The following IPO11 variants were observed in gnomAD, a reference collection of about 807,000 sequenced individuals.
IPO11 encodes importin 11, also known as importin-11.
In IPO11, 66 loss-of-function variants were observed where a neutral mutation model predicts 143.2. The ratio of observed to expected loss-of-function variants is 0.46; its 90% CI spans 0.38 to 0.57. The LOEUF is 0.57. Ranked by LOEUF, IPO11 falls within the 20% of genes least tolerant of loss-of-function variation. The pLI is 0.00. For missense variants in IPO11, 1,026 were observed against 1,141.0 expected (o/e 0.90, Z 1.45); for synonymous variants, 385 against 377.8 (o/e 1.02, Z -0.22).
chr5:62,419,897 A>G (rs1743438814), intron 1 of IPO11, among the ~76,000 whole-genome samples: 1 of 152,102 alleles, frequency 6.6e-6, no homozygotes, highest in Non-Finnish European at 1.5e-5. Context: ...ACTATTCAGG[A>G]GGCTGAGGTG....
intron 1 of IPO11, among the ~76,000 whole-genome samples, chr5:62,413,957 A>G (rs1171444994): frequency 6.6e-6 from 1 of 152,198 alleles, no homozygotes; most frequent in African/African-American, 2.4e-5. Context: ...TTTGGTTATG[A>G]TGGGACTGGT....
chr5:62,439,726 A>G (rs1035042057), intron 2 of IPO11, among the ~76,000 whole-genome samples: 5 of 152,014 alleles, frequency 3.3e-5, no homozygotes, highest in Admixed American at 1.3e-4. Flanking sequence ...TTAGAGGGAT[A>G]TAACATTTCT....
chr5:62,483,961 A>T, intron 10 of IPO11, 49 bp from the exon 11 acceptor site: 1 of 1,462,586 alleles, frequency 6.8e-7, no homozygotes, highest in Non-Finnish European at 9.3e-7. Flanking sequence ...AATCCAATGT[A>T]GCTACAATGT....
At chr5:62,617,332 G>C (rs1238353755) in intron 29 of IPO11, among the ~76,000 whole-genome samples, 2 of 152,056 alleles carry the variant, frequency 1.3e-5, no homozygotes, top group African/African-American at 4.8e-5. Flanking sequence ...TGAATCACCT[G>C]GTGTCCACAT....
At chr5:62,450,020 A>G in intron 4 of IPO11, 21 bp downstream of exon 4, 2 of 1,532,082 alleles carry the variant, frequency 1.3e-6, no homozygotes, top group Non-Finnish European at 8.9e-7. Context: ...AATGAATGCT[A>G]ATTTTTCTTT....
intron 29 of IPO11, among the ~76,000 whole-genome samples, chr5:62,616,233 A>G (rs1561388949): frequency 6.6e-6 from 1 of 152,184 alleles, no homozygotes; most frequent in East Asian, 1.9e-4. Context: ...ATCTGTAGGT[A>G]GCTAAATGTT....
chr5:62,456,775 ACCC>A (rs899588883), intron 5 of IPO11, among the ~76,000 whole-genome samples: 3 of 152,028 alleles, frequency 2.0e-5, no homozygotes, highest in African/African-American at 7.2e-5. Flanking sequence ...GAAGAACGCA[ACCC>A]CCCTATTTAG....
chr5:62,549,219 T>C (rs1300990303), intron 24 of IPO11, among the ~76,000 whole-genome samples: 2 of 152,208 alleles, frequency 1.3e-5, no homozygotes, highest in East Asian at 3.8e-4. Flanking sequence ...AGTAGTAGCA[T>C]ACATAGTGCT....
chr5:62,627,416 TC>T lies in IPO11; in HGVS notation c.*99del. The stretch of plus-strand genomic sequence containing the variant: ...AGCCTGCTGAGATGAAGAAATCACT[TC>T]ATGAAAATAAGCAAAGACCACACAT... On this transcript the variant is annotated 3_prime_UTR_variant, in exon 30 of 30. Transcript: ENST00000325324. 3 of 1,147,184 alleles carry T rather than the reference TC, an allele frequency of 2.6e-6. No individual in the cohort carries two copies. In the Admixed American group the frequency reaches 7.1e-5, roughly 27 times the overall value. 71.1% of individuals were successfully genotyped at this position (1,147,184 alleles called of 1,614,324 possible). A position where few individuals can be genotyped will look rare whatever the true frequency, so the allele number is the denominator to read the frequency against.
At chr5:62,566,868 A>T (rs929235380) in intron 27 of IPO11, among the ~76,000 whole-genome samples, 10 of 151,864 alleles carry the variant, frequency 6.6e-5, no homozygotes, top group African/African-American at 1.9e-4. Flanking sequence ...GTGTATATAT[A>T]TTTTTTAGTG....
At chr5:62,536,310 T>G (rs992408966) in intron 22 of IPO11, among the ~76,000 whole-genome samples, 1 of 151,180 alleles carries the variant, frequency 6.6e-6, no homozygotes, top group Non-Finnish European at 1.5e-5. Context: ...AGTTAGGTGG[T>G]TTTTTTTTCT....
intron 27 of IPO11, chr5:62,579,948 C>G: frequency 6.4e-7 from 1 of 1,551,192 alleles, no homozygotes. Flanking sequence ...GCCTCACTGT[C>G]CTTGGGAGTG....
In IPO11 at chr5:62,451,715, A is replaced by AT. The variant is rs1459896360; in HGVS notation, c.313-9dup. On this transcript the variant is annotated splice_polypyrimidine_tract_variant and intron_variant, in intron 4 of 29. Coordinates refer to ENST00000325324, the MANE Select transcript of IPO11 (RefSeq NM_016338.5). ...CTATTGCCTTGATTCCATTTGTTTA[A>AT]TTTTTTCCTTTCAGATTGCAACTCA... The AT allele has an allele frequency of 1.9e-6, 3 of 1,608,984 alleles. No homozygotes were observed. Among genetic ancestry groups the AT allele is most frequent in the Non-Finnish European group, 2.6e-6 (3 of 1,175,818 alleles).
At chr5:62,622,929 A>G (rs1580401616) in intron 29 of IPO11, among the ~76,000 whole-genome samples, 1 of 152,212 alleles carries the variant, frequency 6.6e-6, no homozygotes, top group Admixed American at 6.5e-5. Flanking sequence ...CAAGCTTCTC[A>G]AAGGACAGAT....
chr5:62,467,439 C>A (rs188629505), intron 6 of IPO11, among the ~76,000 whole-genome samples, 176 bp downstream of exon 6: 185 of 140,420 alleles, frequency 1.3e-3, no homozygotes, highest in Admixed American at 4.0e-3. Context: ...TCCTCTACCC[C>A]TTCTGATTTT....
At chr5:62,580,135 C>CT in intron 27 of IPO11, 2 of 1,550,950 alleles carry the variant, frequency 1.3e-6, no homozygotes, top group Non-Finnish European at 1.7e-6. Context: ...TCTTAGAAGA[C>CT]TTTCTTTGTC....
At chr5:62,568,181 G>A (rs752792290) in intron 27 of IPO11, among the ~76,000 whole-genome samples, 2 of 147,914 alleles carry the variant, frequency 1.4e-5, no homozygotes, top group Non-Finnish European at 3.0e-5. Flanking sequence ...GCCCAGTCTG[G>A]TCAGACCCCT....
chr5:62,581,295 T>C (rs1213635981), intron 27 of IPO11: 1 of 1,514,978 alleles, frequency 6.6e-7, no homozygotes, highest in East Asian at 2.5e-5. Flanking sequence ...TTTTTGAACA[T>C]TCTGCTTTAT....
At chr5:62,482,222 T>G (rs748690831) in intron 9 of IPO11, among the ~76,000 whole-genome samples, 32 of 152,144 alleles carry the variant, frequency 2.1e-4, no homozygotes, top group Admixed American at 9.8e-4. Flanking sequence ...TTTGTTGATC[T>G]TTTCAAAAAA....
Sources: gnomAD v4.1 joint callset for allele counts (sites outside exome capture counted in the v4.1 genomes callset) on GRCh38, gnomAD v4.1.1 for gene constraint, MANE v1.5 for transcripts, NCBI Gene and HGNC (gene_info 2026-07-23, HGNC 2026-07-21) for gene names.